Variants in CCDC68 observed in about 807,000 individuals in gnomAD.
CCDC68 encodes coiled-coil domain-containing protein 68.
Under a neutral mutation model 47.1 loss-of-function variants are expected in CCDC68, and 45 were observed. The observed-to-expected ratio is 0.96, with a 90% CI of 0.75 to 1.23. The LOEUF (loss-of-function observed/expected upper bound fraction) is 1.23. Among genes scored for constraint, CCDC68 ranks in the 50% most tolerant of loss-of-function variants. The pLI, the probability that CCDC68 is intolerant of heterozygous loss-of-function variation, is 0.00. For missense variants in CCDC68, 353 were observed against 373.6 expected (o/e 0.94, Z 0.45); for synonymous variants, 131 against 129.5 (o/e 1.01, Z -0.08).
In CCDC68 at chr18:54,928,009, C is replaced by A. The variant is rs143518956; in HGVS notation, c.683+791G>T. ...ACAACAATTCTGTCCATAATGGTGC[C>A]TGATACCCTAGTGAACAACAGTTCT... On this transcript the variant is annotated intron_variant, in intron 8 of 11. Coordinates refer to ENST00000591504, the MANE Select transcript of CCDC68 (RefSeq NM_025214.3). Among the ~76,000 whole-genome samples the A allele has an allele frequency of 4.9e-4, 75 of 152,276 alleles. 1 individual carries two copies. Among genetic ancestry groups the A allele is most frequent in the African/African-American group, 1.7e-3 (71 of 41,558 alleles).
At chr18:54,952,372 T>A (rs1165644564) in intron 1 of CCDC68, among the ~76,000 whole-genome samples, 1 of 152,224 alleles carries the variant, frequency 6.6e-6, no homozygotes, top group Non-Finnish European at 1.5e-5. Flanking sequence ...TACAGTTTTC[T>A]GAGCTTGTCC....
rs146121886 is a variant in CCDC68 at position 54,909,029 on chromosome 18, C to A, written c.874-1167G>T. Reference sequence around the variant, plus strand: ...TCAGCCTCAAGTACCATTTTTATAACTATAAATTGAATTCCAAAGACTTCC... The same window carrying A: ...TCAGCCTCAAGTACCATTTTTATAAATATAAATTGAATTCCAAAGACTTCC... On this transcript the variant is annotated intron_variant, in intron 10 of 11. Coordinates refer to ENST00000591504, the MANE Select transcript of CCDC68 (RefSeq NM_025214.3). Among the ~76,000 whole-genome samples, 936 of 152,274 alleles carry A rather than the reference C, an allele frequency of 6.1e-3. 9 individuals carry two copies. The highest frequency in any genetic ancestry group is 0.02 in the African/African-American group (824 of 41,562).
chr18:54,909,350 T>G (rs1445677271), intron 10 of CCDC68, among the ~76,000 whole-genome samples: 1 of 151,164 alleles, frequency 6.6e-6, no homozygotes, highest in Admixed American at 6.6e-5. Flanking sequence ...TAGAGAGTCA[T>G]GTAATTATAG....
intron 1 of CCDC68, among the ~76,000 whole-genome samples, chr18:54,956,677 G>C (rs547526241): frequency 6.6e-6 from 1 of 152,148 alleles, no homozygotes; most frequent in Non-Finnish European, 1.5e-5. Context: ...TATATTGTAC[G>C]ATTCCATCTG....
At chr18:54,919,224 G>T (rs202025786) in intron 9 of CCDC68, 47 bp downstream of exon 9, 10 of 1,434,664 alleles carry the variant, frequency 7.0e-6, no homozygotes, top group African/African-American at 1.4e-5. Flanking sequence ...TGGGCTCCAC[G>T]CTGTAAACAT....
At chr18:54,923,440 TAA>T (rs541934468) in intron 8 of CCDC68, among the ~76,000 whole-genome samples, 39 of 130,156 alleles carry the variant, frequency 3.0e-4, no homozygotes, top group Admixed American at 3.1e-4. Flanking sequence ...TCACTGTAAG[TAA>T]AAAAAAAAAA....
chr18:54,926,547 C>T (rs1296187966), intron 8 of CCDC68, among the ~76,000 whole-genome samples: 5 of 152,106 alleles, frequency 3.3e-5, no homozygotes, highest in African/African-American at 1.2e-4. Context: ...GGGGACACAG[C>T]CAAACCATAT....
At chr18:54,937,634 A>T (rs1444759524) in intron 5 of CCDC68, 1 of 164,096 alleles carries the variant, frequency 6.1e-6, no homozygotes, top group Non-Finnish European at 1.3e-5. Context: ...CATGAGATGT[A>T]CTAAGTGTAC....
At chr18:54,933,508 G>A (rs1427222696) in intron 7 of CCDC68, among the ~76,000 whole-genome samples, 2 of 152,212 alleles carry the variant, frequency 1.3e-5, no homozygotes, top group Admixed American at 1.3e-4. Flanking sequence ...GTTTGGTTAA[G>A]CAATTTATTC....
intron 11 of CCDC68, among the ~76,000 whole-genome samples, chr18:54,907,300 T>C (rs751188987): frequency 1.3e-5 from 2 of 152,204 alleles, no homozygotes; most frequent in African/African-American, 4.8e-5. Flanking sequence ...CATTATTAGA[T>C]AGCTGTTGAA....
chr18:54,950,897 C>CTTTTTTTTTTTTTTT (rs869026740), intron 1 of CCDC68, among the ~76,000 whole-genome samples: 1 of 61,960 alleles, frequency 1.6e-5, no homozygotes, highest in African/African-American at 6.8e-5. Context: ...ATTCAGATGT[C>CTTTTTTTTTTTTTTT]TTTTTTTTTT....
At chr18:54,942,897 A>G (rs777791695) in intron 2 of CCDC68, 94 bp from the exon 3 acceptor site, 2 of 717,586 alleles carry the variant, frequency 2.8e-6, no homozygotes. Flanking sequence ...TTATCACTAT[A>G]GTCAAATATA....
Position 54,903,230 on chromosome 18 carries a change from A to G in CCDC68, c.*1128T>C, listed in dbSNP as rs756037237. ...GAGCAAATATTTAAAGTTATACACTAGAGAGGAAGATCAAAGGCCTAAAGG... is the reference window on the plus strand; with the variant it reads ...GAGCAAATATTTAAAGTTATACACTGGAGAGGAAGATCAAAGGCCTAAAGG... On this transcript the variant is annotated 3_prime_UTR_variant, in exon 12 of 12. Coordinates refer to ENST00000591504, the MANE Select transcript of CCDC68 (RefSeq NM_025214.3). 1 of 152,222 alleles carries G rather than the reference A, an allele frequency of 6.6e-6. No individual in the cohort carries two copies. The highest frequency in any genetic ancestry group is 2.4e-5 in the African/African-American group (1 of 41,466). 9.4% of individuals were successfully genotyped at this position (152,222 alleles called of 1,614,324 possible).
At chr18:54,919,472 T>C in intron 8 of CCDC68, 96 bp from the exon 9 acceptor site, 1 of 985,808 alleles carries the variant, frequency 1.0e-6, no homozygotes, top group Non-Finnish European at 1.6e-6. Flanking sequence ...ACTCTACTGC[T>C]ACTGGGGATC....
chr18:54,907,535 G>A (rs1365652729), intron 11 of CCDC68, among the ~76,000 whole-genome samples: 1 of 151,968 alleles, frequency 6.6e-6, no homozygotes, highest in Non-Finnish European at 1.5e-5. Flanking sequence ...GATTGGGCTT[G>A]TTAATTAGGG....
intron 10 of CCDC68, among the ~76,000 whole-genome samples, chr18:54,913,056 G>A (rs1266870530): frequency 2.6e-5 from 4 of 152,130 alleles, no homozygotes; most frequent in Non-Finnish European, 5.9e-5. Flanking sequence ...ACCCAGATAA[G>A]CAGATATTGA....
chr18:54,925,192 G>A (rs370711255), intron 8 of CCDC68, among the ~76,000 whole-genome samples: 1 of 152,238 alleles, frequency 6.6e-6, no homozygotes, highest in East Asian at 1.9e-4. Flanking sequence ...GATCCCCTGT[G>A]AGCAAGTCTG....
At chr18:54,919,111 A>T (rs2145425102) in intron 9 of CCDC68, among the ~76,000 whole-genome samples, 160 bp downstream of exon 9, 1 of 152,320 alleles carries the variant, frequency 6.6e-6, no homozygotes, top group South Asian at 2.1e-4. Flanking sequence ...CAAACAAGAG[A>T]GGGCATTGAA....
intron 1 of CCDC68, chr18:54,954,266 T>C (rs991849464): frequency 1.3e-5 from 2 of 152,126 alleles, no homozygotes; most frequent in African/African-American, 2.4e-5. Context: ...ATGTTGCCTA[T>C]GGCTGGTCTC....
Sources: gnomAD v4.1 joint callset for allele counts (sites outside exome capture counted in the v4.1 genomes callset) on GRCh38, gnomAD v4.1.1 for gene constraint, MANE v1.5 for transcripts, NCBI Gene and HGNC (gene_info 2026-07-23, HGNC 2026-07-21) for gene names.